The following RAD21L1 variants were observed in gnomAD, a reference collection of about 807,000 sequenced individuals.
The protein encoded by RAD21L1 is RAD21 cohesin complex component like 1.
Under a neutral mutation model 69.0 loss-of-function variants are expected in RAD21L1, and 47 were observed. That is an observed-to-expected ratio of 0.68 (90% confidence interval 0.54 to 0.87). RAD21L1 has a LOEUF of 0.87. RAD21L1 is among the 40% of genes least tolerant of loss of function. The pLI is 0.00. For missense variants in RAD21L1, 583 were observed against 647.6 expected (o/e 0.90, Z 1.08); for synonymous variants, 177 against 205.8 (o/e 0.86, Z 1.20).
intron 5 of RAD21L1, among the ~76,000 whole-genome samples, chr20:1,236,153 T>A (rs952224658): frequency 3.9e-5 from 6 of 152,292 alleles, no homozygotes; most frequent in Non-Finnish European, 4.4e-5. Flanking sequence ...TTCTGAAATG[T>A]CTCTTAGATC....
intron 10 of RAD21L1, 97 bp from the exon 11 acceptor site, chr20:1,243,949 A>G (rs1380862416): frequency 3.7e-6 from 4 of 1,073,176 alleles, no homozygotes; most frequent in Admixed American, 5.2e-5. Context: ...TTGGATCCCA[A>G]CATGTCTGTC....
At chr20:1,227,280 G>A (rs1035965234) in intron 1 of RAD21L1, among the ~76,000 whole-genome samples, 2 of 152,216 alleles carry the variant, frequency 1.3e-5, no homozygotes, top group Non-Finnish European at 1.5e-5. Flanking sequence ...AATTTATTCC[G>A]AGAGAGCGAA....
Position 1,255,520 on chromosome 20 carries a change from C to T in RAD21L1, c.*1063C>T, listed in dbSNP as rs890782490. On this transcript the variant is annotated 3_prime_UTR_variant, in exon 14 of 14. Transcript: ENST00000683101. The stretch of plus-strand genomic sequence containing the variant: ...GCAAACAACAAATTCTAAATAGCCT[C>T]TCTAAATGTGTTAACTATAAATTTT... Among the ~76,000 whole-genome samples the T allele has an allele frequency of 6.6e-6, 1 of 152,168 alleles. No individual in the cohort carries two copies. Among genetic ancestry groups the T allele is most frequent in the African/African-American group, 2.4e-5 (1 of 41,454 alleles).
chr20:1,252,225 CT>C (rs1168124389), intron 13 of RAD21L1, among the ~76,000 whole-genome samples: 1 of 152,146 alleles, frequency 6.6e-6, no homozygotes, highest in African/African-American at 2.4e-5. Context: ...ACTCAAATGT[CT>C]TGTAGATCCT....
At chr20:1,247,740 C>T (rs1377346317) in intron 12 of RAD21L1, among the ~76,000 whole-genome samples, 1 of 151,990 alleles carries the variant, frequency 6.6e-6, no homozygotes, top group Admixed American at 6.6e-5. Flanking sequence ...AAATTGAAAG[C>T]ACTTTTAGGA....
At position 1,242,780 on chromosome 20, in the gene RAD21L1, A is replaced by T. The variant is rs2087638763; in HGVS notation, c.1018A>T (p.Arg340Trp). 3 of 1,551,482 alleles carry T rather than the reference A, an allele frequency of 1.9e-6. No homozygotes were observed. The highest frequency in any genetic ancestry group is 2.6e-6 in the Non-Finnish European group (3 of 1,146,930). ...PTQRLMMWKK[R>W]GGVHTLLSTA... ...CCAAAGATTGATGATGTGGAAGAAG[A>T]GGGGAGGAGTGCATACACTTCTGTC... is the stretch of plus-strand genomic sequence containing the variant. The change falls in exon 9 of 14, where the codon AGG becomes TGG. Residue 340 changes from arginine (R) to tryptophan (W), a missense_variant. Physicochemically the swap from Arg to Trp is moderately radical, Grantham distance 101 (BLOSUM62 -3). Coordinates refer to ENST00000683101, the MANE Select transcript of RAD21L1 (RefSeq NM_001384355.1).
Position 1,255,722 on chromosome 20 carries a change from C to G in RAD21L1, c.*1265C>G, listed in dbSNP as rs1482551611. On this transcript the variant is annotated 3_prime_UTR_variant, in exon 14 of 14. Coordinates refer to ENST00000683101, the MANE Select transcript of RAD21L1 (RefSeq NM_001384355.1). ...ATCACCCTAAAAAATTCTGTTATCC[C>G]TTTGTAGTAACCCCCTTCCCCCATA... is the stretch of plus-strand genomic sequence containing the variant. Among the ~76,000 whole-genome samples the G allele has an allele frequency of 1.3e-5, 2 of 152,146 alleles. No homozygotes were observed. Among genetic ancestry groups the G allele is most frequent in the East Asian group, 1.9e-4 (1 of 5,198 alleles).
intron 13 of RAD21L1, among the ~76,000 whole-genome samples, chr20:1,253,936 G>A (rs2087884836): frequency 6.6e-6 from 1 of 152,012 alleles, no homozygotes; most frequent in Non-Finnish European, 1.5e-5. Flanking sequence ...GGATTTTTTT[G>A]TCTCTGCAAA....
At chr20:1,243,397 G>A (rs2087657323) in intron 10 of RAD21L1, among the ~76,000 whole-genome samples, 1 of 152,062 alleles carries the variant, frequency 6.6e-6, no homozygotes, top group Admixed American at 6.6e-5. Context: ...TTGTCCCAGA[G>A]ATTTCGTTAA....
intron 10 of RAD21L1, 92 bp from the exon 11 acceptor site, chr20:1,243,954 T>G: frequency 8.9e-7 from 1 of 1,119,370 alleles, no homozygotes; most frequent in African/African-American, 1.6e-5. Context: ...TCCCAACATG[T>G]CTGTCAGAAG....
Position 1,242,523 on chromosome 20 carries a change from G to A in RAD21L1, c.857-96G>A, listed in dbSNP as rs146684517. The A allele has an allele frequency of 3.6e-4, 337 of 941,622 alleles. No individual in the cohort carries two copies. In the African/African-American group the frequency reaches 3.8e-3, roughly 11 times the overall value. The allele number at this position is 941,622 out of a possible 1,614,324, so 58.3% of individuals were successfully genotyped here. A position where few individuals can be genotyped will look rare whatever the true frequency, so the allele number is the denominator to read the frequency against. On this transcript the variant is annotated intron_variant, in intron 8 of 13. Transcript: ENST00000683101. ...GCTAGGATTACAGGCATGAGCCACC[G>A]TGCCTGGCTTAGAAATTTCTTAAGT...
At chr20:1,235,330 C>T (rs1031673606) in intron 5 of RAD21L1, among the ~76,000 whole-genome samples, 7 of 149,754 alleles carry the variant, frequency 4.7e-5, no homozygotes, top group African/African-American at 1.7e-4. Context: ...CTCATCCTTA[C>T]TCTGCTTCCG....
chr20:1,238,222 A>C lies in RAD21L1; in HGVS notation c.646+8A>C. The C allele has an allele frequency of 6.8e-7, 1 of 1,472,582 alleles. No homozygotes were observed. Among genetic ancestry groups the C allele is most frequent in the South Asian group, 1.4e-5 (1 of 70,798 alleles). 91.2% of individuals were successfully genotyped at this position (1,472,582 alleles called of 1,614,324 possible). On this transcript the variant is annotated splice_region_variant and intron_variant, in intron 6 of 13. Transcript: ENST00000683101. ...CTGCAGGAGAAATGATTGGTATGCT[A>C]TCTGGTCATGTGGAAATAAAATATT...
intron 8 of RAD21L1, 134 bp downstream of exon 8, chr20:1,240,568 G>T (rs1568521745): frequency 7.5e-7 from 1 of 1,329,106 alleles, no homozygotes. Context: ...CAATAGAGGA[G>T]AAGACGGTGA....
At chr20:1,240,244 T>C (rs2087578782) in intron 7 of RAD21L1, 77 bp from the exon 8 acceptor site, 1 of 1,423,826 alleles carries the variant, frequency 7.0e-7, no homozygotes, top group Non-Finnish European at 9.2e-7. Flanking sequence ...TATCTTTATC[T>C]TTAATTCTCA....
intron 3 of RAD21L1, chr20:1,230,528 AT>A: frequency 3.4e-6 from 2 of 593,588 alleles, no homozygotes; most frequent in Non-Finnish European, 4.2e-6. Context: ...CTTTGAAGAC[AT>A]TTTTTATTTT....
chr20:1,238,700 G>A (rs1316026482), intron 6 of RAD21L1, among the ~76,000 whole-genome samples: 1 of 151,724 alleles, frequency 6.6e-6, no homozygotes, highest in Non-Finnish European at 1.5e-5. Context: ...CCAATTTATT[G>A]CCTTCTTTAT....
chr20:1,230,089 C>A, intron 3 of RAD21L1, 80 bp downstream of exon 3: 2 of 1,063,106 alleles, frequency 1.9e-6, no homozygotes, highest in Non-Finnish European at 2.7e-6. Context: ...TAATATACTT[C>A]AGGCTAGTAT....
At chr20:1,244,536 A>T (rs1440277263) in intron 11 of RAD21L1, among the ~76,000 whole-genome samples, 1 of 152,138 alleles carries the variant, frequency 6.6e-6, no homozygotes, top group East Asian at 1.9e-4. Context: ...TTTGCTTTTC[A>T]TCATAAATTC....
Sources: gnomAD v4.1 joint callset for allele counts (sites outside exome capture counted in the v4.1 genomes callset) on GRCh38, gnomAD v4.1.1 for gene constraint, MANE v1.5 for transcripts, NCBI Gene and HGNC (gene_info 2026-07-23, HGNC 2026-07-21) for gene names.